FDPS: variants seen among roughly 807,000 people sequenced by gnomAD.
FDPS encodes farnesyl pyrophosphate synthase.
In FDPS, 29 loss-of-function variants were observed where a neutral mutation model predicts 49.5. The ratio of observed to expected loss-of-function variants is 0.59; its 90% CI spans 0.44 to 0.80. The LOEUF (loss-of-function observed/expected upper bound fraction) is 0.80, where lower values mean the gene tolerates loss of function less well. Ranked by LOEUF, FDPS falls within the 30% of genes least tolerant of loss-of-function variation. The probability of loss-of-function intolerance (pLI) is 0.00; values close to 1 mark genes in which losing one functional copy is unlikely to be tolerated. For missense variants in FDPS, 414 were observed against 525.6 expected (o/e 0.79, Z 2.08); for synonymous variants, 172 against 206.4 (o/e 0.83, Z 1.43).
At position 155,312,052 on chromosome 1, in the gene FDPS, G is replaced by T. The variant is rs117068572; in HGVS notation, c.340-203G>T. 5.0e-4 allele frequency among the ~76,000 whole-genome samples: 76 copies of T among 152,236 alleles called. No individual in the cohort carries two copies. In the East Asian group the frequency reaches 0.015, roughly 29 times the overall value. On this transcript the variant is annotated intron_variant, in intron 3 of 10. Coordinates refer to ENST00000368356, the MANE Select transcript of FDPS (RefSeq NM_002004.4). ...AGACCATGCAGAAAGAATGTGCCTG[G>T]GTACTGGGACCTCTTCTAGCTTTGC...
At chr1:155,312,654 A>C in intron 4 of FDPS, 1 of 408,302 alleles carries the variant, frequency 2.4e-6, no homozygotes, top group Non-Finnish European at 4.5e-6. Context: ...GAGAGGTGTC[A>C]GCTCTTTCCT....
intron 3 of FDPS, among the ~76,000 whole-genome samples, chr1:155,311,145 C>G (rs2148232896): frequency 6.6e-6 from 1 of 152,180 alleles, no homozygotes; most frequent in South Asian, 2.1e-4. Context: ...CGAGACCAGC[C>G]TGGTCAACAT....
intron 3 of FDPS, among the ~76,000 whole-genome samples, chr1:155,311,373 C>G (rs1309620009): frequency 6.6e-6 from 1 of 152,106 alleles, no homozygotes; most frequent in Non-Finnish European, 1.5e-5. Context: ...AGCCAGGCAG[C>G]AGAAGGCAAA....
At chr1:155,312,662 C>A in intron 4 of FDPS, 1 of 380,106 alleles carries the variant, frequency 2.6e-6, no homozygotes, top group African/African-American at 2.0e-5. Context: ...TCAGCTCTTT[C>A]CTCTGAGCAG....
At chr1:155,319,732 A>T in intron 9 of FDPS, 44 bp downstream of exon 9, 1 of 1,613,526 alleles carries the variant, frequency 6.2e-7, no homozygotes, top group South Asian at 1.1e-5. Context: ...CACCAGCTTC[A>T]CTCCTCCTCT....
At chr1:155,316,988 G>A (rs939149621) in intron 4 of FDPS, 1 of 152,142 alleles carries the variant, frequency 6.6e-6, no homozygotes, top group Admixed American at 6.6e-5. Context: ...TGCTTCCAAG[G>A]AGATCATGGT....
chr1:155,318,437 G>T lies in FDPS; in HGVS notation c.684+146G>T. 1 of 1,096,484 alleles carries T rather than the reference G, an allele frequency of 9.1e-7. No individual in the cohort carries two copies. The highest frequency in any genetic ancestry group is 1.3e-6 in the Non-Finnish European group (1 of 749,364). 67.9% of individuals were successfully genotyped at this position (1,096,484 alleles called of 1,614,324 possible). ...AGCGAGGAAGGGTGTTGGGAAGTGG[G>T]GTTGTGGTAGTGGCAAGAAAGGGCT... On this transcript the variant is annotated intron_variant, in intron 6 of 10. Transcript: ENST00000368356. This position sits in a 1 kb window ranked among gnomAD's most constrained non-coding sequence, Gnocchi z 4.2.
intron 4 of FDPS, among the ~76,000 whole-genome samples, chr1:155,313,662 GC>G (rs1027928514): frequency 6.6e-6 from 1 of 152,126 alleles, no homozygotes; most frequent in African/African-American, 2.4e-5. Flanking sequence ...CAGGGAGAGG[GC>G]CCTGGATGAC....
chr1:155,315,555 C>T (rs562032811), intron 4 of FDPS, among the ~76,000 whole-genome samples: 9 of 151,986 alleles, frequency 5.9e-5, no homozygotes, highest in African/African-American at 1.7e-4. Flanking sequence ...TGGTGGCAGG[C>T]GCCTGTAGTC....
rs1356942141 is a variant in FDPS at position 155,310,196 on chromosome 1, G to A, written c.330G>A (p.Arg110=). The A allele has an allele frequency of 6.2e-7, 1 of 1,613,886 alleles. No homozygotes were observed. The highest frequency in any genetic ancestry group is 8.5e-7 in the Non-Finnish European group (1 of 1,179,848). The part of the protein sequence containing the change: ...GHPEIGDAIA[R]LKEVLEYNAI... ...CAGAGATAGGAGATGCTATTGCCCG[G>A]CTCAAGGAGGTGAGGGATTCATGAC... The change falls in exon 3 of 11, where the codon CGG becomes CGA. Residue 110 remains arginine (R), a synonymous_variant. Transcript: ENST00000368356.
Position 155,320,399 on chromosome 1 carries a change from C to T in FDPS, c.1060-10C>T. The T allele has an allele frequency of 6.2e-7, 1 of 1,610,682 alleles. No homozygotes were observed. Among genetic ancestry groups the T allele is most frequent in the South Asian group, 1.1e-5 (1 of 90,626 alleles). ...CCAAGCCCGTTTTCCTGTCTTTCAA[C>T]CTCTTCCAGGAAAATTACGGGCAGA... On this transcript the variant is annotated splice_polypyrimidine_tract_variant and intron_variant, in intron 10 of 10. Coordinates refer to ENST00000368356, the MANE Select transcript of FDPS (RefSeq NM_002004.4).
In FDPS at chr1:155,318,621, A is replaced by G; in HGVS notation, c.685-44A>G. 1 of 1,443,790 alleles carries G rather than the reference A, an allele frequency of 6.9e-7. No individual in the cohort carries two copies. Among genetic ancestry groups the G allele is most frequent in the South Asian group, 1.1e-5 (1 of 87,444 alleles). The allele number at this position is 1,443,790 out of a possible 1,614,324, so 89.4% of individuals were successfully genotyped here. ...GGCTTGGGATACCAGGGTTTCGCAT[A>G]TCTGGAGAAAGCCTGGCTCATGGAC... is the stretch of plus-strand genomic sequence containing the variant. On this transcript the variant is annotated intron_variant, in intron 6 of 10. Transcript: ENST00000368356. The surrounding 1 kb of genome is among the most constrained non-coding windows in gnomAD (Gnocchi z 4.2).
chr1:155,310,142 G>A lies in FDPS; in HGVS notation c.276G>A (p.Arg92=). Residue 92 remains arginine, a synonymous_variant, in exon 3 of 11, where the codon AGG becomes AGA. Transcript: ENST00000368356. ...DFVQHFSQIV[R]VLTEDEMGHP... is the part of the protein sequence containing the mutation. ...TTCAGCACTTCTCCCAGATCGTTAG[G>A]GTGCTGACTGAGGATGAGATGGGGC... 5 of 1,613,910 alleles carry A rather than the reference G, an allele frequency of 3.1e-6. No homozygotes were observed. Among genetic ancestry groups the A allele is most frequent in the Non-Finnish European group, 4.2e-6 (5 of 1,179,866 alleles).
Position 155,319,620 on chromosome 1 carries a change from G to A in FDPS, c.856G>A (p.Asp286Asn), listed in dbSNP as rs1325352778. The A allele has an allele frequency of 6.2e-7, 1 of 1,614,058 alleles. No homozygotes were observed. Among genetic ancestry groups the A allele is most frequent in the Non-Finnish European group, 8.5e-7 (1 of 1,180,050 alleles). ...IAAAMYMAGI[D>N]GEKEHANAKK... ...CCCCCTTTCCCTGCAGGCAGGAATTGATGGCGAGAAGGAGCACGCCAATGC... is the reference window on the plus strand; with the variant it reads ...CCCCCTTTCCCTGCAGGCAGGAATTAATGGCGAGAAGGAGCACGCCAATGC... Residue 286 changes from aspartate (D) to asparagine (N), a missense_variant, in exon 9 of 11, where the codon GAT (aspartate) becomes AAT (asparagine). Asp to Asn is a conservative substitution (Grantham distance 23). Coordinates refer to ENST00000368356, the MANE Select transcript of FDPS (RefSeq NM_002004.4).
At chr1:155,317,698 A>G in intron 4 of FDPS, 1 of 352,444 alleles carries the variant, frequency 2.8e-6, no homozygotes, top group South Asian at 5.6e-5. Context: ...AAAAAAAAAT[A>G]GCCAGGCATG....
At position 155,320,444 on chromosome 1, in the gene FDPS, C is replaced by G; in HGVS notation, c.1095C>G (p.Ala365=). Residue 365 remains alanine (A), a synonymous_variant, in exon 11 of 11, where the codon GCC becomes GCG. Coordinates refer to ENST00000368356, the MANE Select transcript of FDPS (RefSeq NM_002004.4). ...GGCAGAAGGAGGCTGAGAAAGTGGCCCGGGTGAAGGCGCTATATGAGGAGC... is the reference window on the plus strand; with the variant it reads ...GGCAGAAGGAGGCTGAGAAAGTGGCGCGGGTGAAGGCGCTATATGAGGAGC... The part of the protein sequence containing the change: ...NYGQKEAEKV[A]RVKALYEELD... 9.9e-6 allele frequency: 16 copies of G among 1,613,642 alleles called. No homozygotes were observed. The highest frequency in any genetic ancestry group is 1.4e-5 in the Non-Finnish European group (16 of 1,180,006).
At position 155,320,658 on chromosome 1, in the gene FDPS, G is replaced by A. The variant is rs1326406432; in HGVS notation, c.*49G>A. 6.2e-7 allele frequency: 1 copy of A among 1,602,946 alleles called. No individual in the cohort carries two copies. Among genetic ancestry groups the A allele is most frequent in the East Asian group, 2.2e-5 (1 of 44,802 alleles). ...GAGGAGGCTCTCAATAAATAATCGT[G>A]TAACCTTCTTGTGGTTCTGTTCTTG... On this transcript the variant is annotated 3_prime_UTR_variant, in exon 11 of 11. Coordinates refer to ENST00000368356, the MANE Select transcript of FDPS (RefSeq NM_002004.4).
Position 155,320,515 on chromosome 1 carries a change from G to C in FDPS, c.1166G>C (p.Ser389Thr). 6.2e-7 allele frequency: 1 copy of C among 1,614,150 alleles called. No individual in the cohort carries two copies. The highest frequency in any genetic ancestry group is 2.2e-5 in the East Asian group (1 of 44,878). Residue 389 changes from serine (S) to threonine (T), a missense_variant, in exon 11 of 11, where the codon AGC (serine) becomes ACC (threonine). Coordinates refer to ENST00000368356, the MANE Select transcript of FDPS (RefSeq NM_002004.4). ...TTGCAATATGAGGAAGACAGTTACA[G>C]CCACATTATGGCTCTCATTGAACAG... ...VFLQYEEDSY[S>T]HIMALIEQYA... is the part of the protein sequence containing the mutation.
intron 3 of FDPS, 106 bp downstream of exon 3, chr1:155,310,311 A>T: frequency 1.1e-6 from 1 of 949,588 alleles, no homozygotes; most frequent in Non-Finnish European, 1.5e-6. Context: ...TGTGAGAGAA[A>T]GCTTTTTTTT....
Sources: allele counts gnomAD v4.1 joint callset (sites outside exome capture counted in the v4.1 genomes callset), GRCh38; gene constraint gnomAD v4.1.1; non-coding constraint Gnocchi (gnomAD v3.1); transcripts MANE v1.5; gene names NCBI Gene and HGNC (gene_info 2026-07-23, HGNC 2026-07-21).